Variants in DMXL2 observed in about 807,000 individuals in gnomAD.
DMXL2 encodes Dmx like 2.
DMXL2 carries 103 observed loss-of-function variants against 331.1 expected under a neutral mutation model. That is an observed-to-expected ratio of 0.31 (90% CI 0.27 to 0.37). The LOEUF (loss-of-function observed/expected upper bound fraction) is 0.37, where lower values mean the gene tolerates loss of function less well. DMXL2 is among the 10% of genes least tolerant of loss of function. The pLI, the probability that DMXL2 is intolerant of heterozygous loss-of-function variation, is 1.00. For synonymous variants in DMXL2, 1,281 were observed against 1,252.1 expected (o/e 1.02, Z -0.49); for missense variants, 3,171 against 3,642.9 (o/e 0.87, Z 3.33).
chr15:51,613,207 G>C (rs2054089436), intron 1 of DMXL2, among the ~76,000 whole-genome samples: 1 of 152,214 alleles, frequency 6.6e-6, no homozygotes, highest in African/African-American at 2.4e-5. Context: ...ACGGGATTAA[G>C]AGATTAAAGT....
At position 51,474,592 on chromosome 15, in the gene DMXL2, C is replaced by T; in HGVS notation, c.6965G>A (p.Gly2322Asp). Residue 2322 changes from glycine (G) to aspartate (D), a missense_variant and splice_region_variant, in exon 28 of 44, where the codon GGT (glycine) becomes GAT (aspartate). By Grantham distance (94) the Gly-to-Asp change is moderately conservative (BLOSUM62 -1). Transcript: ENST00000560891. ...TPNSSPAQWPGVSSLINLLSS... is the reference protein window; with the variant it reads ...TPNSSPAQWPDVSSLINLLSS... Reference sequence around the variant, plus strand: ...CAAAAGATTAATAAGTGAGCTCACACCTATAAGGGTATATAAAATCATAAG... The same window carrying T: ...CAAAAGATTAATAAGTGAGCTCACATCTATAAGGGTATATAAAATCATAAG... 2 of 1,602,056 alleles carry T rather than the reference C, an allele frequency of 1.2e-6. No individual in the cohort carries two copies. The highest frequency in any genetic ancestry group is 1.7e-6 in the Non-Finnish European group (2 of 1,173,170).
intron 3 of DMXL2, among the ~76,000 whole-genome samples, chr15:51,566,370 C>A (rs1278667906): frequency 6.6e-6 from 1 of 151,858 alleles, no homozygotes; most frequent in Admixed American, 6.6e-5. Flanking sequence ...CACTGCTGAC[C>A]AAACAACAAT....
chr15:51,551,544 G>A (rs1215180178), intron 6 of DMXL2, among the ~76,000 whole-genome samples: 2 of 152,056 alleles, frequency 1.3e-5, no homozygotes, highest in African/African-American at 4.8e-5. Flanking sequence ...TCCAGATACA[G>A]ATTTATTAAA....
intron 22 of DMXL2, among the ~76,000 whole-genome samples, chr15:51,487,256 G>C (rs562773665): frequency 6.6e-4 from 101 of 152,116 alleles, no homozygotes; most frequent in African/African-American, 2.3e-3. Flanking sequence ...TGGAGTTTCA[G>C]TTCCTTATTT....
At position 51,529,700 on chromosome 15, in the gene DMXL2, C is replaced by A. The variant is rs568342847; in HGVS notation, c.2436+5963G>T. Reference sequence around the variant, plus strand: ...CATATAAAAAGGAACGAATACCAATCCCACTAAAATTATTCTGAAAAATAG... The same window carrying A: ...CATATAAAAAGGAACGAATACCAATACCACTAAAATTATTCTGAAAAATAG... On this transcript the variant is annotated intron_variant, in intron 13 of 43. Transcript: ENST00000560891. Among the ~76,000 whole-genome samples the A allele has an allele frequency of 2.6e-5, 4 of 152,198 alleles. No individual in the cohort carries two copies. In the South Asian group the frequency reaches 8.3e-4, roughly 32 times the overall value.
intron 8 of DMXL2, among the ~76,000 whole-genome samples, chr15:51,544,827 TTTC>T (rs1416914197): frequency 1.3e-5 from 2 of 152,256 alleles, no homozygotes; most frequent in African/African-American, 4.8e-5. Context: ...AAATTCCGTA[TTTC>T]TTCTCCTTTT....
intron 14 of DMXL2, among the ~76,000 whole-genome samples, chr15:51,514,967 T>A (rs959456017): frequency 1.3e-5 from 2 of 152,126 alleles, no homozygotes; most frequent in Non-Finnish European, 2.9e-5. Flanking sequence ...ACTAGACTAC[T>A]ACACAACTTG....
intron 6 of DMXL2, among the ~76,000 whole-genome samples, chr15:51,557,535 A>T (rs1467616492): frequency 6.6e-6 from 1 of 152,180 alleles, no homozygotes; most frequent in Non-Finnish European, 1.5e-5. Flanking sequence ...ATTTATTCTA[A>T]AATTTATATA....
At chr15:51,605,189 A>G (rs2053495242) in intron 1 of DMXL2, among the ~76,000 whole-genome samples, 1 of 152,008 alleles carries the variant, frequency 6.6e-6, no homozygotes, top group Admixed American at 6.6e-5. Context: ...ACAACGGGGG[A>G]AAAAAACATA....
Position 51,465,587 on chromosome 15 carries a change from T to C in DMXL2, c.7585A>G (p.Ile2529Val), listed in dbSNP as rs747549642. Residue 2529 changes from isoleucine to valine, a missense_variant, in exon 31 of 44, where the codon ATT becomes GTT. By Grantham distance (29) the Ile-to-Val change is conservative (BLOSUM62 3). Coordinates refer to ENST00000560891, the MANE Select transcript of DMXL2 (RefSeq NM_001378457.1). Reference protein sequence around the residue: ...ALHNVKNFFPIAGLEFSELPV... With the variant: ...ALHNVKNFFPVAGLEFSELPV... ...TCACCAGAGAATTCCAGTCCAGCAA[T>C]AGGAAAGAAATTCTTGACATTGTGA... is the stretch of plus-strand genomic sequence containing the variant. 27 of 1,605,430 alleles carry C rather than the reference T, an allele frequency of 1.7e-5. No homozygotes were observed. In the Middle Eastern group the frequency reaches 9.9e-4, roughly 59 times the overall value.
At chr15:51,454,272 C>G (rs1359284590) in intron 40 of DMXL2, 1 of 152,060 alleles carries the variant, frequency 6.6e-6, no homozygotes, top group East Asian at 1.9e-4. Flanking sequence ...GCGTTCTGAA[C>G]CTCCCTCCAT....
At chr15:51,517,331 G>A (rs903598739) in intron 13 of DMXL2, among the ~76,000 whole-genome samples, 164 bp from the exon 14 acceptor site, 5 of 152,184 alleles carry the variant, frequency 3.3e-5, no homozygotes, top group Non-Finnish European at 5.9e-5. Context: ...TCATTCTCAT[G>A]TTAAGTCTAA....
chr15:51,614,799 C>T (rs1359802017), intron 1 of DMXL2, among the ~76,000 whole-genome samples: 1 of 152,020 alleles, frequency 6.6e-6, no homozygotes, highest in East Asian at 1.9e-4. Context: ...GAAAAAAAAG[C>T]CACGTGAAAG....
intron 6 of DMXL2, among the ~76,000 whole-genome samples, chr15:51,557,720 G>A (rs2049695238): frequency 2.0e-5 from 3 of 152,060 alleles, no homozygotes; most frequent in Non-Finnish European, 4.4e-5. Flanking sequence ...CAGACCTACA[G>A]AAATATGGAC....
At chr15:51,459,048 TG>T in intron 34 of DMXL2, 1 of 423,876 alleles carries the variant, frequency 2.4e-6, no homozygotes. Context: ...TTATAAAACA[TG>T]GCTAATATAT....
chr15:51,466,179 T>C lies in DMXL2; in HGVS notation c.7520+5A>G. ...AAAAATGAGAGAAAGAAAAGTCTTA[T>C]TTACCTATAGGAATTTGGATCTTGG... On this transcript the variant is annotated splice_donor_5th_base_variant and intron_variant, in intron 30 of 43. Coordinates refer to ENST00000560891, the MANE Select transcript of DMXL2 (RefSeq NM_001378457.1). 4 of 1,552,234 alleles carry C rather than the reference T, an allele frequency of 2.6e-6. No individual in the cohort carries two copies. The highest frequency in any genetic ancestry group is 3.4e-6 in the Non-Finnish European group (4 of 1,160,102).
chr15:51,618,253 C>T (rs1482744417), intron 1 of DMXL2, among the ~76,000 whole-genome samples: 1 of 151,940 alleles, frequency 6.6e-6, no homozygotes. Flanking sequence ...TCGTATTAGA[C>T]TACCAGGTTC....
chr15:51,566,231 GGGTGTGTGTGTGTGT>G lies in DMXL2; in HGVS notation c.286-1080_286-1066del, dbSNP rs1567126549. Reference sequence around the variant, plus strand: ...TATATCTAAAAAAAATGTGTGTGTGGGGTGTGTGTGTGTGTGTGTGTGTGTGTGTGTGTGTGTGTG... The same window carrying G: ...TATATCTAAAAAAAATGTGTGTGTGGGTGTGTGTGTGTGTGTGTGTGTGTG... On this transcript the variant is annotated intron_variant, in intron 3 of 43. Transcript: ENST00000560891. 1.6e-4 allele frequency among the ~76,000 whole-genome samples: 15 copies of G among 94,702 alleles called. No individual in the cohort carries two copies. In the East Asian group the frequency reaches 2.7e-3, roughly 17 times the overall value. 62.1% of individuals were successfully genotyped at this position (94,702 alleles called of 152,430 possible). A position where few individuals can be genotyped will look rare whatever the true frequency, so the allele number is the denominator to read the frequency against.
chr15:51,467,788 A>C (rs2140287257), intron 29 of DMXL2, among the ~76,000 whole-genome samples: 1 of 149,844 alleles, frequency 6.7e-6, no homozygotes, highest in East Asian at 2.0e-4. Flanking sequence ...GCGCAGTGGC[A>C]CGATCTTGGC....
Sources: allele counts gnomAD v4.1 joint callset (sites outside exome capture counted in the v4.1 genomes callset), GRCh38; gene constraint gnomAD v4.1.1; transcripts MANE v1.5; gene names NCBI Gene and HGNC (gene_info 2026-07-23, HGNC 2026-07-21).